Variants in KIAA0825 observed in about 807,000 individuals in gnomAD.
The protein encoded by KIAA0825 is KIAA0825, also known as uncharacterized protein KIAA0825.
In KIAA0825, 119 loss-of-function variants were observed where a neutral mutation model predicts 147.6. The ratio of observed to expected loss-of-function variants is 0.81; its 90% confidence interval spans 0.69 to 0.94. KIAA0825 has a LOEUF of 0.94. Among genes scored for constraint, KIAA0825 ranks in the 40% least tolerant of loss-of-function variants. The probability of loss-of-function intolerance (pLI) is 0.00; values close to 1 mark genes in which losing one functional copy is unlikely to be tolerated. For synonymous variants in KIAA0825, 470 were observed against 518.1 expected, an observed-to-expected ratio of 0.91 and a Z score of 1.26; for missense variants, 1,381 against 1,472.7, an observed-to-expected ratio of 0.94 and a Z score of 1.02.
chr5:94,613,249 C>T (rs1316445711), intron 1 of KIAA0825, among the ~76,000 whole-genome samples: 1 of 152,012 alleles, frequency 6.6e-6, no homozygotes, highest in Non-Finnish European at 1.5e-5. Context: ...GGTTGGAGTG[C>T]GGTGACATGA....
At chr5:94,464,064 CAAA>C (rs11364703) in intron 11 of KIAA0825, among the ~76,000 whole-genome samples, 14 of 90,294 alleles carry the variant, frequency 1.6e-4, no homozygotes, top group Non-Finnish European at 1.8e-4. Context: ...TTCCTCCTGC[CAAA>C]AAAAAAAAAA....
intron 1 of KIAA0825, among the ~76,000 whole-genome samples, chr5:94,584,503 A>G (rs1782874376): frequency 6.6e-6 from 1 of 152,220 alleles, no homozygotes. Context: ...AAGAGTGAAA[A>G]TAACTGAACA....
intron 6 of KIAA0825, among the ~76,000 whole-genome samples, chr5:94,482,737 A>G (rs956843250): frequency 2.6e-5 from 4 of 152,050 alleles, no homozygotes; most frequent in African/African-American, 9.6e-5. Flanking sequence ...CGTCACATTA[A>G]ATCAATCTTG....
At chr5:94,351,152 G>C (rs571728836) in intron 20 of KIAA0825, among the ~76,000 whole-genome samples, 3 of 152,144 alleles carry the variant, frequency 2.0e-5, no homozygotes, top group Admixed American at 2.0e-4. Context: ...GCTGATGATA[G>C]GATTATTTAC....
chr5:94,369,424 T>G (rs2150445226), intron 20 of KIAA0825, among the ~76,000 whole-genome samples: 1 of 152,292 alleles, frequency 6.6e-6, no homozygotes, highest in African/African-American at 2.4e-5. Context: ...TTTACATTAC[T>G]TGCCCAGCCC....
At chr5:94,408,843 A>C (rs1043407622) in intron 15 of KIAA0825, among the ~76,000 whole-genome samples, 1 of 152,224 alleles carries the variant, frequency 6.6e-6, no homozygotes, top group Non-Finnish European at 1.5e-5. Context: ...TCTGGTGTGA[A>C]TTTTTCTTGT....
intron 14 of KIAA0825, among the ~76,000 whole-genome samples, chr5:94,422,185 CCT>C (rs1754267610): frequency 6.6e-6 from 1 of 152,126 alleles, no homozygotes; most frequent in African/African-American, 2.4e-5. Flanking sequence ...GCCCTTTTAC[CCT>C]GAAGCAGGCC....
At chr5:94,201,454 C>T (rs1391377530) in intron 20 of KIAA0825, among the ~76,000 whole-genome samples, 1 of 152,066 alleles carries the variant, frequency 6.6e-6, no homozygotes, top group East Asian at 1.9e-4. Context: ...GTCACCCAGC[C>T]TGGAGTGCAG....
intron 20 of KIAA0825, among the ~76,000 whole-genome samples, chr5:94,155,213 C>CTTTTTTTTT (rs67704311): frequency 2.5e-5 from 3 of 119,066 alleles, no homozygotes; most frequent in East Asian, 2.5e-4. Context: ...TATTTTCTTT[C>CTTTTTTTTT]TTTTTTTTTT....
chr5:94,328,561 T>C (rs941808268), intron 20 of KIAA0825, among the ~76,000 whole-genome samples: 1 of 152,062 alleles, frequency 6.6e-6, no homozygotes, highest in Non-Finnish European at 1.5e-5. Context: ...TGTACTACTT[T>C]TAAAAAGAAA....
At chr5:94,259,357 A>G (rs1247180023) in intron 20 of KIAA0825, among the ~76,000 whole-genome samples, 5 of 152,094 alleles carry the variant, frequency 3.3e-5, no homozygotes, top group Non-Finnish European at 5.9e-5. Flanking sequence ...AAAAGTGATC[A>G]TCTTCCCAGT....
At position 94,432,520 on chromosome 5, in the gene KIAA0825, C is replaced by A. The variant is rs1416008353; in HGVS notation, c.2497+7462G>T. ...ACCTCTAAACTAGTTCATCAGCATT[C>A]TTGGATAGGATCTTTGGATAGGATC... On this transcript the variant is annotated intron_variant, in intron 14 of 20. Transcript: ENST00000682413. 1.3e-4 allele frequency among the ~76,000 whole-genome samples: 19 copies of A among 151,986 alleles called. 1 individual carries two copies. The highest frequency in any genetic ancestry group is 1.2e-3 in the Admixed American group (19 of 15,246).
chr5:94,602,312 C>T (rs941639849), intron 1 of KIAA0825, among the ~76,000 whole-genome samples: 1 of 151,636 alleles, frequency 6.6e-6, no homozygotes, highest in Admixed American at 6.6e-5. Flanking sequence ...GATCGTGCCA[C>T]TGCACTCCAG....
At chr5:94,187,422 T>A (rs1770235746) in intron 20 of KIAA0825, among the ~76,000 whole-genome samples, 1 of 148,268 alleles carries the variant, frequency 6.7e-6, no homozygotes, top group African/African-American at 2.5e-5. Flanking sequence ...TTTTTTTTTT[T>A]TAATTTTTTT....
At chr5:94,265,373 T>G in intron 20 of KIAA0825, among the ~76,000 whole-genome samples, 1 of 152,174 alleles carries the variant, frequency 6.6e-6, no homozygotes, top group African/African-American at 2.4e-5. Flanking sequence ...TACTAAAATG[T>G]TTGCCTTTTT....
chr5:94,396,197 T>C lies in KIAA0825; in HGVS notation c.3200A>G (p.Asn1067Ser). 6.4e-7 allele frequency: 1 copy of C among 1,551,236 alleles called. No homozygotes were observed. Among genetic ancestry groups the C allele is most frequent in the Non-Finnish European group, 8.7e-7 (1 of 1,146,832 alleles). Residue 1067 changes from asparagine to serine, a missense_variant, in exon 17 of 21, where the codon AAT becomes AGT. By Grantham distance (46) the Asn-to-Ser change is conservative. Transcript: ENST00000682413. ...SIMGDQTSIHNQMIQKVIQSI... is the reference protein window; with the variant it reads ...SIMGDQTSIHSQMIQKVIQSI... ...CTGTATGACCTTTTGGATCATTTGA[T>C]TATGGATACTTGTCTGGTCTCCCAT...
intron 5 of KIAA0825, among the ~76,000 whole-genome samples, chr5:94,514,256 A>T (rs1766901544): frequency 6.6e-6 from 1 of 152,156 alleles, no homozygotes; most frequent in Non-Finnish European, 1.5e-5. Flanking sequence ...ATAAAATGAC[A>T]TTCTTCATTT....
At chr5:94,179,176 T>A (rs1769375003) in intron 20 of KIAA0825, among the ~76,000 whole-genome samples, 1 of 151,980 alleles carries the variant, frequency 6.6e-6, no homozygotes, top group Non-Finnish European at 1.5e-5. Context: ...TGGAGAGTGA[T>A]GAAATTGCTC....
At chr5:94,335,640 CAA>C (rs1477446496) in intron 20 of KIAA0825, among the ~76,000 whole-genome samples, 3 of 152,058 alleles carry the variant, frequency 2.0e-5, no homozygotes, top group African/African-American at 7.2e-5. Flanking sequence ...TCTCTTACCA[CAA>C]GAGTTAAAAC....
Sources: allele counts gnomAD v4.1 joint callset (sites outside exome capture counted in the v4.1 genomes callset), GRCh38; gene constraint gnomAD v4.1.1; transcripts MANE v1.5; gene names NCBI Gene and HGNC (gene_info 2026-07-23, HGNC 2026-07-21).